The following DERL2 variants were observed in gnomAD, a reference collection of about 807,000 sequenced individuals.
DERL2 encodes the protein derlin-2.
A neutral mutation model predicts 32.0 loss-of-function variants in DERL2; 13 were observed. That is an observed-to-expected ratio of 0.41 (90% CI 0.26 to 0.65). The LOEUF (loss-of-function observed/expected upper bound fraction) is 0.65, where lower values mean the gene tolerates loss of function less well. DERL2 is among the 30% of genes least tolerant of loss of function. The pLI is 0.35. For missense variants in DERL2, 208 were observed against 296.3 expected, an observed-to-expected ratio of 0.70 and a Z score of 2.19; for synonymous variants, 111 against 104.7, an observed-to-expected ratio of 1.06 and a Z score of -0.37.
In DERL2 at chr17:5,481,481, T is replaced by A. The variant is rs1247530607; in HGVS notation, c.234-92A>T. 1.2e-6 allele frequency: 1 copy of A among 839,338 alleles called. No homozygotes were observed. 52.0% of individuals were successfully genotyped at this position (839,338 alleles called of 1,614,324 possible). A position where few individuals can be genotyped will look rare whatever the true frequency, so the allele number is the denominator to read the frequency against. ...TTGTAAGTACACTTGGATTCCATATTATTTGTAATTAGTCAAGTCTTCATT... is the reference window on the plus strand; with the variant it reads ...TTGTAAGTACACTTGGATTCCATATAATTTGTAATTAGTCAAGTCTTCATT... On this transcript the variant is annotated intron_variant, in intron 3 of 6. Transcript: ENST00000158771. The surrounding 1 kb of genome is among the most constrained non-coding windows in gnomAD (Gnocchi z 4.4).
intron 6 of DERL2, among the ~76,000 whole-genome samples, chr17:5,475,412 A>T (rs2151699801): frequency 6.7e-6 from 1 of 149,780 alleles, no homozygotes; most frequent in South Asian, 2.3e-4. Context: ...GGCGCCCGCC[A>T]CCACGCCCGG....
chr17:5,475,511 G>A (rs984082375), intron 6 of DERL2, among the ~76,000 whole-genome samples: 12 of 151,994 alleles, frequency 7.9e-5, no homozygotes, highest in Non-Finnish European at 1.5e-4. Flanking sequence ...TGCCTGCCTC[G>A]GCTTCCCAAA....
Position 5,481,401 on chromosome 17 carries a change from A to C in DERL2, c.234-12T>G. 1 of 1,598,538 alleles carries C rather than the reference A, an allele frequency of 6.3e-7. No homozygotes were observed. Among genetic ancestry groups the C allele is most frequent in the Non-Finnish European group, 8.6e-7 (1 of 1,166,170 alleles). On this transcript the variant is annotated splice_polypyrimidine_tract_variant and intron_variant, in intron 3 of 6. Transcript: ENST00000158771. The surrounding 1 kb of genome is among the most constrained non-coding windows in gnomAD (Gnocchi z 4.4). ...GACAGTAACGATATCTTAAGTTCCA[A>C]GTTAAGAAAATATTAAGCACACGAA...
At chr17:5,482,457 T>C (rs1444941674) in intron 3 of DERL2, 1 of 208,032 alleles carries the variant, frequency 4.8e-6, no homozygotes, top group Non-Finnish European at 9.7e-6. Flanking sequence ...CCAAAACTTA[T>C]GCCCAAATTC....
In DERL2 at chr17:5,474,809, T is replaced by A; in HGVS notation, c.615-20A>T. ...GCTTTCCTAAAAGACAAGCAACAGATATAATTTGGTCCCAGAGTCATCTCA... is the reference window on the plus strand; with the variant it reads ...GCTTTCCTAAAAGACAAGCAACAGAAATAATTTGGTCCCAGAGTCATCTCA... On this transcript the variant is annotated intron_variant, in intron 6 of 6. Transcript: ENST00000158771. This position sits in a 1 kb window ranked among gnomAD's most constrained non-coding sequence, Gnocchi z 4.3. 6.2e-7 allele frequency: 1 copy of A among 1,603,012 alleles called. No homozygotes were observed. The highest frequency in any genetic ancestry group is 8.5e-7 in the Non-Finnish European group (1 of 1,171,072).
chr17:5,474,109 G>A lies in DERL2; in HGVS notation c.*575C>T, dbSNP rs1462245715. The stretch of plus-strand genomic sequence containing the variant: ...CTTCCTGCTGAATCTTGCATTCTGA[G>A]TTAGTAAGATGTACACAACCACAGC... On this transcript the variant is annotated 3_prime_UTR_variant, in exon 7 of 7. Transcript: ENST00000158771. This position sits in a 1 kb window ranked among gnomAD's most constrained non-coding sequence, Gnocchi z 4.3. The A allele has an allele frequency of 6.6e-6, 1 of 152,116 alleles. No individual in the cohort carries two copies. The highest frequency in any genetic ancestry group is 1.5e-5 in the Non-Finnish European group (1 of 68,028). The allele number at this position is 152,116 out of a possible 1,614,324, so 9.4% of individuals were successfully genotyped here.
Position 5,474,259 on chromosome 17 carries a change from G to C in DERL2, c.*425C>G, listed in dbSNP as rs1905255955. 6.5e-6 allele frequency: 1 copy of C among 153,706 alleles called. No individual in the cohort carries two copies. Among genetic ancestry groups the C allele is most frequent in the Non-Finnish European group, 1.4e-5 (1 of 69,232 alleles). The allele number at this position is 153,706 out of a possible 1,614,324, so 9.5% of individuals were successfully genotyped here. A position where few individuals can be genotyped will look rare whatever the true frequency, so the allele number is the denominator to read the frequency against. On this transcript the variant is annotated 3_prime_UTR_variant, in exon 7 of 7. Transcript: ENST00000158771. The surrounding 1 kb of genome is among the most constrained non-coding windows in gnomAD (Gnocchi z 4.3). The stretch of plus-strand genomic sequence containing the variant: ...GCAGGAGGGCTACAATACATTATCA[G>C]AATTTAAAAGATCACACACAAAAGC...
chr17:5,479,496 TAAAAAAAAAAAAAA>T (rs11306765), intron 6 of DERL2, among the ~76,000 whole-genome samples: 32 of 69,396 alleles, frequency 4.6e-4, no homozygotes, highest in Non-Finnish European at 3.4e-4. Context: ...AGACTCCATG[TAAAAAAAAAAAAAA>T]AAAAAAAAAA....
At position 5,479,998 on chromosome 17, in the gene DERL2, C is replaced by A. The variant is rs1385444343; in HGVS notation, c.614+56G>T. The A allele has an allele frequency of 4.5e-6, 5 of 1,108,088 alleles. No homozygotes were observed. The East Asian group carries it at 1.2e-4, about 26-fold the overall frequency. The allele number at this position is 1,108,088 out of a possible 1,614,324, so 68.6% of individuals were successfully genotyped here. A position where few individuals can be genotyped will look rare whatever the true frequency, so the allele number is the denominator to read the frequency against. ...TAGGGGAGCCAAAGAAAACACAGAT[C>A]ATGCCCCTGTCCTGGTTTGCCTGTA... is the stretch of plus-strand genomic sequence containing the variant. On this transcript the variant is annotated intron_variant, in intron 6 of 6. Transcript: ENST00000158771.
At chr17:5,483,779 T>A (rs1262987960) in intron 2 of DERL2, among the ~76,000 whole-genome samples, 1 of 152,156 alleles carries the variant, frequency 6.6e-6, no homozygotes, top group African/African-American at 2.4e-5. Context: ...ATGCACAGTG[T>A]CATCAAGAGT....
chr17:5,485,234 C>G lies in DERL2; in HGVS notation c.94-18G>C. On this transcript the variant is annotated intron_variant, in intron 1 of 6. Coordinates refer to ENST00000158771, the MANE Select transcript of DERL2 (RefSeq NM_016041.5). ...TCCAACTGCTGAAATAGAAAAAGAG[C>G]TTCTTAAAGCAAATCAAGAAACAAA... 1 of 1,529,734 alleles carries G rather than the reference C, an allele frequency of 6.5e-7. No homozygotes were observed. Among genetic ancestry groups the G allele is most frequent in the Non-Finnish European group, 8.7e-7 (1 of 1,144,232 alleles). The allele number at this position is 1,529,734 out of a possible 1,614,324, so 94.8% of individuals were successfully genotyped here.
Position 5,473,706 on chromosome 17 carries a change from C to T in DERL2, c.*978G>A, listed in dbSNP as rs1163614686. 6.8e-6 allele frequency: 1 copy of T among 147,432 alleles called. No homozygotes were observed. Among genetic ancestry groups the T allele is most frequent in the East Asian group, 2.0e-4 (1 of 5,018 alleles). 9.1% of individuals were successfully genotyped at this position (147,432 alleles called of 1,614,324 possible). A position where few individuals can be genotyped will look rare whatever the true frequency, so the allele number is the denominator to read the frequency against. The stretch of plus-strand genomic sequence containing the variant: ...GTGGCTCATGCCTGTCATCCTAGCA[C>T]TTTGGGAGGCTGAGGTGGGAGGATT... On this transcript the variant is annotated 3_prime_UTR_variant, in exon 7 of 7. Coordinates refer to ENST00000158771, the MANE Select transcript of DERL2 (RefSeq NM_016041.5).
chr17:5,475,781 A>T (rs1015527993), intron 6 of DERL2, among the ~76,000 whole-genome samples: 9 of 152,188 alleles, frequency 5.9e-5, no homozygotes, highest in Non-Finnish European at 1.2e-4. Flanking sequence ...ACATGGTACA[A>T]CATGGATGAA....
chr17:5,485,853 A>G, intron 1 of DERL2: 1 of 433,966 alleles, frequency 2.3e-6, no homozygotes, highest in Non-Finnish European at 4.1e-6. Context: ...CTCATCTCTT[A>G]GAAACTGACC....
chr17:5,486,206 CCTT>C, upstream of DERL2: 1 of 1,238,544 alleles, frequency 8.1e-7, no homozygotes. Flanking sequence ...CCCCATTTCC[CCTT>C]CCGCCAGCAG....
rs1292798007 is a variant in DERL2 at position 5,471,534 on chromosome 17, A to G, written c.*3150T>C. On this transcript the variant is annotated 3_prime_UTR_variant, in exon 7 of 7. Transcript: ENST00000158771. ...CAAGATTTTTTGAGGAATCAGGAACAAGGCCAGGCCTTGAAGAACTGAAGA... is the reference window on the plus strand; with the variant it reads ...CAAGATTTTTTGAGGAATCAGGAACGAGGCCAGGCCTTGAAGAACTGAAGA... 6.6e-6 allele frequency: 1 copy of G among 152,238 alleles called. No homozygotes were observed. The highest frequency in any genetic ancestry group is 6.5e-5 in the Admixed American group (1 of 15,290). The allele number at this position is 152,238 out of a possible 1,614,324, so 9.4% of individuals were successfully genotyped here.
intron 6 of DERL2, among the ~76,000 whole-genome samples, chr17:5,476,009 A>G (rs986965478): frequency 6.6e-6 from 1 of 152,226 alleles, no homozygotes; most frequent in African/African-American, 2.4e-5. Flanking sequence ...CAGTATGAAT[A>G]TACTTAATGC....
chr17:5,486,184 A>ACCCCCCCCCCCCCCCCCTCCCCCCCCCCC, upstream of DERL2: 1 of 789,488 alleles, frequency 1.3e-6, no homozygotes, highest in Non-Finnish European at 1.6e-6. Flanking sequence ...CGCCTGCCCC[A>ACCCCCCCCCCCCCCCCCTCCCCCCCCCCC]CCCCCCACCC....
intron 6 of DERL2, among the ~76,000 whole-genome samples, chr17:5,476,238 T>C (rs1181764062): frequency 6.6e-6 from 1 of 152,254 alleles, no homozygotes; most frequent in Non-Finnish European, 1.5e-5. Flanking sequence ...TTTGCACTTA[T>C]ATTTCTACTT....
Sources: gnomAD v4.1 joint callset for allele counts (sites outside exome capture counted in the v4.1 genomes callset) on GRCh38, gnomAD v4.1.1 for gene constraint, Gnocchi (gnomAD v3.1) non-coding constraint, MANE v1.5 for transcripts, NCBI Gene and HGNC (gene_info 2026-07-23, HGNC 2026-07-21) for gene names.